The following LRRC75A variants were observed in gnomAD, a reference collection of about 807,000 sequenced individuals.
LRRC75A encodes leucine rich repeat containing 75A.
LRRC75A carries 12 observed loss-of-function variants against 26.0 expected under a neutral mutation model. The ratio of observed to expected loss-of-function variants is 0.46; its 90% CI spans 0.30 to 0.75. LRRC75A has a LOEUF of 0.75. Among genes scored for constraint, LRRC75A ranks in the 30% least tolerant of loss-of-function variants. LRRC75A has a pLI of 0.08. For synonymous variants in LRRC75A, 223 were observed against 219.3 expected (o/e 1.02, Z -0.15); for missense variants, 410 against 486.6 (o/e 0.84, Z 1.48).
At chr17:16,452,391 C>A (rs544083537) in intron 2 of LRRC75A, among the ~76,000 whole-genome samples, 478 of 151,712 alleles carry the variant, frequency 3.2e-3, no homozygotes, top group Non-Finnish European at 5.3e-3. Flanking sequence ...ACACTGATGC[C>A]TGGGCCACCC....
intron 1 of LRRC75A, among the ~76,000 whole-genome samples, chr17:16,485,433 C>A (rs1007580186): frequency 6.6e-6 from 1 of 152,096 alleles, no homozygotes; most frequent in African/African-American, 2.4e-5. Context: ...CAGAATGCAG[C>A]GAGAGGGTAC....
chr17:16,480,050 G>A (rs574662649), intron 1 of LRRC75A, among the ~76,000 whole-genome samples: 26 of 152,298 alleles, frequency 1.7e-4, no homozygotes, highest in Admixed American at 1.2e-3. Flanking sequence ...ACCTGCACAC[G>A]TGAGGGATCT....
Position 16,443,728 on chromosome 17 carries a change from G to A in LRRC75A, c.895C>T (p.Leu299=). 1 of 1,613,766 alleles carries A rather than the reference G, an allele frequency of 6.2e-7. No individual in the cohort carries two copies. The highest frequency in any genetic ancestry group is 8.5e-7 in the Non-Finnish European group (1 of 1,179,802). ...CTGCCTGGGCCCTCACCCAGCTCCA[G>A]GATGGTGGGTAGGTGGCCCTGCTTT... ...SPKQGHLPTI[L]ELGEGPGSGE... is the part of the protein sequence containing the mutation. Residue 299 remains leucine, a synonymous_variant, in exon 4 of 4, where the codon CTG becomes TTG. Transcript: ENST00000470794.
At chr17:16,476,950 G>C (rs1441792912) in intron 1 of LRRC75A, among the ~76,000 whole-genome samples, 5 of 151,438 alleles carry the variant, frequency 3.3e-5, no homozygotes, top group Non-Finnish European at 7.4e-5. Context: ...GTGTTAGCCA[G>C]GATGGTCTCA....
intron 1 of LRRC75A, among the ~76,000 whole-genome samples, chr17:16,487,726 G>A (rs570552391): frequency 8.5e-5 from 13 of 152,290 alleles, no homozygotes; most frequent in African/African-American, 1.9e-4. Flanking sequence ...TGAGCATTTC[G>A]CCTGGCCTCA....
In LRRC75A at chr17:16,491,801, T is replaced by G; in HGVS notation, c.190A>C (p.Met64Leu). The change falls in exon 1 of 4, where the codon ATG becomes CTG. Residue 64 changes from methionine to leucine, a missense_variant. Physicochemically the swap from Met to Leu is conservative, Grantham distance 15. Coordinates refer to ENST00000470794, the MANE Select transcript of LRRC75A (RefSeq NM_001113567.3). The surrounding 1 kb of genome is among the most constrained non-coding windows in gnomAD (Gnocchi z 5.9). ...TCCTCCCGCCGGCCCTGGCGCACCA[T>G]CCGCAGCAGCTCCTGGACCATGCCG... ...RVGMVQELLR[M>L]VRQGRREEAG... 1 of 1,433,626 alleles carries G rather than the reference T, an allele frequency of 7.0e-7. No homozygotes were observed. 88.8% of individuals were successfully genotyped at this position (1,433,626 alleles called of 1,614,324 possible). A position where few individuals can be genotyped will look rare whatever the true frequency, so the allele number is the denominator to read the frequency against.
chr17:16,446,141 TC>T (rs1420986683), intron 3 of LRRC75A, among the ~76,000 whole-genome samples: 1 of 152,106 alleles, frequency 6.6e-6, no homozygotes, highest in Non-Finnish European at 1.5e-5. Context: ...ACTTCCTACT[TC>T]AGGTGATCCG....
Position 16,443,431 on chromosome 17 carries a change from C to T in LRRC75A, c.*157G>A. On this transcript the variant is annotated 3_prime_UTR_variant, in exon 4 of 4. Transcript: ENST00000470794. ...AACGGGAAGTTTTAACACAAATCCC[C>T]TTCCCCAGATGATATGGTTTGCCTT... The T allele has an allele frequency of 1.6e-6, 1 of 620,162 alleles. No homozygotes were observed. The highest frequency in any genetic ancestry group is 2.7e-6 in the Non-Finnish European group (1 of 367,276). 38.4% of individuals were successfully genotyped at this position (620,162 alleles called of 1,614,324 possible).
intron 3 of LRRC75A, among the ~76,000 whole-genome samples, chr17:16,444,508 C>T (rs988700745): frequency 2.0e-5 from 3 of 152,196 alleles, no homozygotes; most frequent in Non-Finnish European, 4.4e-5. Flanking sequence ...GACTCAGCTT[C>T]CCACTTCTAC....
At position 16,457,816 on chromosome 17, in the gene LRRC75A, A is replaced by C. The variant is rs570469187; in HGVS notation, c.375+4442T>G. On this transcript the variant is annotated intron_variant, in intron 2 of 3. Transcript: ENST00000470794. ...GCCCCGTCTCTACAAGAAAAAAAAAAACAAAAAATTAGCTAGGCATGGTGG... is the reference window on the plus strand; with the variant it reads ...GCCCCGTCTCTACAAGAAAAAAAAACACAAAAAATTAGCTAGGCATGGTGG... Among the ~76,000 whole-genome samples, 7 of 151,714 alleles carry C rather than the reference A, an allele frequency of 4.6e-5. No individual in the cohort carries two copies. In the South Asian group the frequency reaches 1.5e-3, roughly 32 times the overall value.
At chr17:16,458,590 C>T (rs1266839697) in intron 2 of LRRC75A, among the ~76,000 whole-genome samples, 6 of 152,008 alleles carry the variant, frequency 3.9e-5, no homozygotes, top group South Asian at 4.1e-4. Context: ...CTCAGCCTCC[C>T]GAGTAGCTGG....
chr17:16,445,158 ATTTTTTTTTTT>A (rs766449990), intron 3 of LRRC75A, among the ~76,000 whole-genome samples: 3 of 69,714 alleles, frequency 4.3e-5, no homozygotes, highest in South Asian at 5.3e-4. Flanking sequence ...CATTTTCTGC[ATTTTTTTTTTT>A]TTTTTTTTTT....
intron 1 of LRRC75A, among the ~76,000 whole-genome samples, chr17:16,466,897 A>C (rs1055121766): frequency 6.6e-6 from 1 of 152,196 alleles, no homozygotes; most frequent in Non-Finnish European, 1.5e-5. Context: ...AGCACCCTTA[A>C]GACCATTTTA....
At chr17:16,484,125 C>T (rs545152321) in intron 1 of LRRC75A, among the ~76,000 whole-genome samples, 4 of 152,158 alleles carry the variant, frequency 2.6e-5, no homozygotes, top group African/African-American at 9.6e-5. Context: ...ATCATGAAGT[C>T]AAGAGATCGA....
chr17:16,454,017 G>A (rs1034927403), intron 2 of LRRC75A, among the ~76,000 whole-genome samples: 2 of 152,090 alleles, frequency 1.3e-5, no homozygotes, highest in South Asian at 2.1e-4. Flanking sequence ...GGGTCCCCTC[G>A]GCCTATCACC....
At chr17:16,461,870 G>A (rs1261371912) in intron 2 of LRRC75A, among the ~76,000 whole-genome samples, 1 of 150,862 alleles carries the variant, frequency 6.6e-6, no homozygotes, top group Non-Finnish European at 1.5e-5. Flanking sequence ...CCCTCTGTAC[G>A]CATGCTTTCG....
intron 1 of LRRC75A, among the ~76,000 whole-genome samples, chr17:16,485,513 A>G (rs1019014606): frequency 2.0e-5 from 3 of 152,190 alleles, no homozygotes; most frequent in African/African-American, 7.2e-5. Context: ...TCCAGACTCC[A>G]GACTGTGAGA....
At chr17:16,465,188 C>T (rs1318201594) in intron 1 of LRRC75A, among the ~76,000 whole-genome samples, 2 of 152,202 alleles carry the variant, frequency 1.3e-5, no homozygotes, top group East Asian at 3.9e-4. Context: ...CTGCTTTGCC[C>T]CTGGGCACCC....
intron 1 of LRRC75A, among the ~76,000 whole-genome samples, chr17:16,485,677 T>C (rs1194272211): frequency 7.2e-6 from 1 of 138,380 alleles, no homozygotes; most frequent in Admixed American, 7.0e-5. Context: ...TGTTCGTGTG[T>C]GTGTGTGTGT....
Sources: allele counts gnomAD v4.1 joint callset (sites outside exome capture counted in the v4.1 genomes callset), GRCh38; gene constraint gnomAD v4.1.1; non-coding constraint Gnocchi (gnomAD v3.1); transcripts MANE v1.5; gene names NCBI Gene and HGNC (gene_info 2026-07-23, HGNC 2026-07-21).